Variants in WDR48 observed in about 807,000 individuals in gnomAD.
WDR48 encodes WD repeat domain 48, also known as WD repeat-containing protein 48.
WDR48 carries 22 observed loss-of-function variants against 94.0 expected under a neutral mutation model. That is an observed-to-expected ratio of 0.23 (90% CI 0.17 to 0.33). WDR48 has a LOEUF of 0.33. WDR48 is among the 10% of genes least tolerant of loss of function. The pLI, the probability that WDR48 is intolerant of heterozygous loss-of-function variation, is 1.00. For synonymous variants in WDR48, 278 were observed against 280.5 expected, an observed-to-expected ratio of 0.99 and a Z score of 0.09; for missense variants, 541 against 813.8, an observed-to-expected ratio of 0.66 and a Z score of 4.08.
chr3:39,087,779 CAAAAAA>C (rs1285304835), intron 14 of WDR48: 1 of 163,300 alleles, frequency 6.1e-6, no homozygotes, highest in African/African-American at 2.4e-5. Context: ...TGGTGTTCTA[CAAAAAA>C]CAAAAACAAA....
chr3:39,066,780 AAGAACT>A lies in WDR48; in HGVS notation c.389_394del (p.Glu130_Leu131del). On this transcript the variant is annotated inframe_deletion, in exon 5 of 19. Coordinates refer to ENST00000302313, the MANE Select transcript of WDR48 (RefSeq NM_020839.4). ...AAGGCCTTAGCATATGCCAAGGATA[AAGAACT>A]AGTAGCATCAGCTGGGTTGGACAGA... 1 of 1,614,046 alleles carries A rather than the reference AAGAACT, an allele frequency of 6.2e-7. No homozygotes were observed. The highest frequency in any genetic ancestry group is 8.5e-7 in the Non-Finnish European group (1 of 1,179,932).
intron 8 of WDR48, 60 bp from the exon 9 acceptor site, chr3:39,077,079 T>C (rs1050322553): frequency 1.3e-6 from 2 of 1,581,766 alleles, no homozygotes; most frequent in East Asian, 4.5e-5. Flanking sequence ...ACATATCTAG[T>C]CCTGGCAGTT....
chr3:39,059,074 CAAAAAAA>C (rs1178955423), intron 1 of WDR48, among the ~76,000 whole-genome samples: 4 of 69,726 alleles, frequency 5.7e-5, no homozygotes, highest in South Asian at 5.7e-4. Context: ...GACTCCGTCT[CAAAAAAA>C]AAAAAAAAAA....
At position 39,069,682 on chromosome 3, in the gene WDR48, A is replaced by C. The variant is rs766150053; in HGVS notation, c.610A>C (p.Met204Leu). Residue 204 changes from methionine to leucine, a missense_variant, in exon 7 of 19, where the codon ATG (methionine) becomes CTG (leucine). Coordinates refer to ENST00000302313, the MANE Select transcript of WDR48 (RefSeq NM_020839.4). ...VWDPRTCAKL[M>L]KLKGHTDNVK... ...GGATCCAAGAACATGTGCAAAACTAATGAAGCTTAAAGGGCACACGGATAA... is the reference window on the plus strand; with the variant it reads ...GGATCCAAGAACATGTGCAAAACTACTGAAGCTTAAAGGGCACACGGATAA... The C allele has an allele frequency of 3.1e-6, 5 of 1,613,746 alleles. No homozygotes were observed. The Admixed American group carries it at 8.3e-5, about 27-fold the overall frequency.
At chr3:39,053,843 T>C (rs770059209) in intron 1 of WDR48, among the ~76,000 whole-genome samples, 2 of 152,208 alleles carry the variant, frequency 1.3e-5, no homozygotes, top group Non-Finnish European at 1.5e-5. Context: ...ATAGGCTGAA[T>C]GTGAGCCAGT....
chr3:39,078,121 A>G lies in WDR48; in HGVS notation c.973-16A>G, dbSNP rs1305364191. 2.5e-6 allele frequency: 4 copies of G among 1,582,226 alleles called. No individual in the cohort carries two copies. The highest frequency in any genetic ancestry group is 2.2e-5 in the East Asian group (1 of 44,616). ...TAGAGCATAACATGATCAAATAACA[A>G]ATTTTGTAATTTTAGACTTTGAAAG... On this transcript the variant is annotated splice_polypyrimidine_tract_variant and intron_variant, in intron 9 of 18. Coordinates refer to ENST00000302313, the MANE Select transcript of WDR48 (RefSeq NM_020839.4).
intron 1 of WDR48, among the ~76,000 whole-genome samples, chr3:39,055,441 T>A (rs2032814204): frequency 6.6e-6 from 1 of 152,146 alleles, no homozygotes; most frequent in Non-Finnish European, 1.5e-5. Flanking sequence ...GCCGAGATTG[T>A]ACCAGTGCAC....
At chr3:39,054,203 C>T (rs1367100111) in intron 1 of WDR48, among the ~76,000 whole-genome samples, 1 of 152,086 alleles carries the variant, frequency 6.6e-6, no homozygotes, top group Non-Finnish European at 1.5e-5. Context: ...TTAGAGTTGC[C>T]CTCCATGCTT....
rs955581377 is a variant in WDR48, at chr3:39,096,135, C to T, written c.*1392C>T. On this transcript the variant is annotated 3_prime_UTR_variant, in exon 19 of 19. Transcript: ENST00000302313. ...AGGCCATACCTTACTATTTAAGATA[C>T]TCTGATCGCACAACTGCAGAGACAG... 1 of 152,618 alleles carries T rather than the reference C, an allele frequency of 6.6e-6. No homozygotes were observed. Among genetic ancestry groups the T allele is most frequent in the Non-Finnish European group, 1.5e-5 (1 of 68,042 alleles). 9.5% of individuals were successfully genotyped at this position (152,618 alleles called of 1,614,324 possible).
chr3:39,082,468 GA>G (rs1393269799), intron 11 of WDR48, among the ~76,000 whole-genome samples: 1 of 151,976 alleles, frequency 6.6e-6, no homozygotes, highest in African/African-American at 2.4e-5. Flanking sequence ...TTTTAGTAGA[GA>G]CAGCGTTTCT....
intron 8 of WDR48, 116 bp downstream of exon 8, chr3:39,075,066 T>C: frequency 9.7e-7 from 1 of 1,029,306 alleles, no homozygotes; most frequent in Non-Finnish European, 1.4e-6. Flanking sequence ...GGGGGAAGGT[T>C]TGTAAAAAAG....
At chr3:39,063,413 G>T (rs1019821108) in intron 2 of WDR48, among the ~76,000 whole-genome samples, 1 of 152,220 alleles carries the variant, frequency 6.6e-6, no homozygotes, top group African/African-American at 2.4e-5. Context: ...CCCTAAACTA[G>T]GTTTGCCTTA....
chr3:39,088,084 T>G (rs377753269), intron 14 of WDR48, 44 bp from the exon 15 acceptor site: 2 of 1,581,958 alleles, frequency 1.3e-6, no homozygotes, highest in Non-Finnish European at 1.7e-6. Context: ...ATCTGTATTT[T>G]TAGCACTAAC....
intron 1 of WDR48, among the ~76,000 whole-genome samples, chr3:39,060,444 A>T (rs1052314834): frequency 8.2e-6 from 1 of 121,848 alleles, no homozygotes; most frequent in African/African-American, 2.9e-5. Context: ...ATATGCACAC[A>T]CACACATCAC....
At chr3:39,060,449 C>T (rs946760421) in intron 1 of WDR48, among the ~76,000 whole-genome samples, 14 of 149,442 alleles carry the variant, frequency 9.4e-5, no homozygotes, top group Admixed American at 1.3e-4. Flanking sequence ...CACACACACA[C>T]ATCACATTTT....
intron 6 of WDR48, 136 bp downstream of exon 6, chr3:39,068,995 C>A: frequency 1.5e-6 from 1 of 649,932 alleles, no homozygotes; most frequent in Non-Finnish European, 2.5e-6. Context: ...ACTCTGTCAC[C>A]CAGGTTGGGG....
chr3:39,075,569 T>G (rs2034179324), intron 8 of WDR48, among the ~76,000 whole-genome samples: 1 of 152,138 alleles, frequency 6.6e-6, no homozygotes, highest in Non-Finnish European at 1.5e-5. Flanking sequence ...GAGGAAGTCT[T>G]TGGAAGCCAT....
chr3:39,057,823 A>G (rs972286526), intron 1 of WDR48, among the ~76,000 whole-genome samples: 5 of 152,156 alleles, frequency 3.3e-5, no homozygotes, highest in Admixed American at 1.3e-4. Context: ...GGGTTTCACC[A>G]TGTTGGCCAG....
chr3:39,091,381 C>T (rs576970495), intron 16 of WDR48: 38 of 320,480 alleles, frequency 1.2e-4, no homozygotes, highest in South Asian at 4.2e-5. Flanking sequence ...CCTTTAATAC[C>T]TTGTACTGTT....
Sources: gnomAD v4.1 joint callset for allele counts (sites outside exome capture counted in the v4.1 genomes callset) on GRCh38, gnomAD v4.1.1 for gene constraint, MANE v1.5 for transcripts, NCBI Gene and HGNC (gene_info 2026-07-23, HGNC 2026-07-21) for gene names.